The following FSD1L variants were observed in gnomAD, a reference collection of about 807,000 sequenced individuals.
The protein encoded by FSD1L is fibronectin type III and SPRY domain containing 1 like, also known as FSD1-like protein.
In FSD1L, 45 loss-of-function variants were observed where a neutral mutation model predicts 71.6. The ratio of observed to expected loss-of-function variants is 0.63; its 90% CI spans 0.49 to 0.81. The LOEUF (loss-of-function observed/expected upper bound fraction) is 0.81, where lower values mean the gene tolerates loss of function less well. Among genes scored for constraint, FSD1L ranks in the 30% least tolerant of loss-of-function variants. The pLI, the probability that FSD1L is intolerant of heterozygous loss-of-function variation, is 0.00. For synonymous variants in FSD1L, 197 were observed against 207.2 expected (o/e 0.95, Z 0.42); for missense variants, 561 against 618.1 (o/e 0.91, Z 0.98).
chr9:105,542,919 A>G (rs1014053901), intron 13 of FSD1L, among the ~76,000 whole-genome samples: 10 of 152,094 alleles, frequency 6.6e-5, no homozygotes, highest in African/African-American at 2.2e-4. Flanking sequence ...TTTTTTCCCT[A>G]TTATGGGTAA....
chr9:105,530,655 G>C (rs780812696), intron 10 of FSD1L: 1 of 649,578 alleles, frequency 1.5e-6, no homozygotes, highest in Non-Finnish European at 2.8e-6. Flanking sequence ...TTTTCAGAAT[G>C]CATGTTTCCT....
chr9:105,525,000 G>T (rs1835418675), intron 10 of FSD1L: 1 of 1,578,274 alleles, frequency 6.3e-7, no homozygotes, highest in African/African-American at 1.4e-5. Flanking sequence ...CCTGGAGGAG[G>T]TTTATCTGCT....
At chr9:105,491,803 A>T (rs376553343) in intron 7 of FSD1L, among the ~76,000 whole-genome samples, 1 of 152,138 alleles carries the variant, frequency 6.6e-6, no homozygotes, top group South Asian at 2.1e-4. Flanking sequence ...GATTACATTT[A>T]TTGATTTGCG....
At chr9:105,521,317 A>T in intron 10 of FSD1L, 1 of 1,614,218 alleles carries the variant, frequency 6.2e-7, no homozygotes, top group Non-Finnish European at 8.5e-7. Context: ...GATAATGCTG[A>T]TAAAGCAGAC....
intron 12 of FSD1L, 25 bp from the exon 13 acceptor site, chr9:105,539,238 T>C (rs933591517): frequency 3.3e-5 from 35 of 1,071,510 alleles, no homozygotes; most frequent in Non-Finnish European, 4.5e-5. Context: ...TATAATAAAT[T>C]AGGCTTTTTT....
intron 7 of FSD1L, among the ~76,000 whole-genome samples, chr9:105,504,691 C>T (rs1372354465): frequency 2.6e-5 from 4 of 152,112 alleles, no homozygotes; most frequent in Non-Finnish European, 5.9e-5. Flanking sequence ...GCACATCCTC[C>T]CATATACTTT....
At chr9:105,507,678 A>AT (rs1256371105) in intron 8 of FSD1L, among the ~76,000 whole-genome samples, 1 of 152,186 alleles carries the variant, frequency 6.6e-6, no homozygotes, top group Non-Finnish European at 1.5e-5. Context: ...CGTTTCATAA[A>AT]TATAAAAATT....
intron 10 of FSD1L, chr9:105,526,234 G>A (rs1353459650): frequency 2.0e-5 from 32 of 1,599,484 alleles, no homozygotes; most frequent in Non-Finnish European, 1.5e-5. Context: ...CTTCTATGAG[G>A]AGAGAGCACG....
chr9:105,534,478 T>G lies in FSD1L; in HGVS notation c.1026-15T>G. The G allele has an allele frequency of 2.1e-6, 3 of 1,422,304 alleles. No homozygotes were observed. The highest frequency in any genetic ancestry group is 2.9e-6 in the Non-Finnish European group (3 of 1,042,618). 88.1% of individuals were successfully genotyped at this position (1,422,304 alleles called of 1,614,324 possible). A position where few individuals can be genotyped will look rare whatever the true frequency, so the allele number is the denominator to read the frequency against. On this transcript the variant is annotated splice_polypyrimidine_tract_variant and intron_variant, in intron 10 of 13. Coordinates refer to ENST00000481272, the MANE Select transcript of FSD1L (RefSeq NM_001145313.3). Reference sequence around the variant, plus strand: ...ATAAAATATTTGTTTTTCTTTTTTCTTTTTGTTTATATAGAAGTGGTACAC... The same window carrying G: ...ATAAAATATTTGTTTTTCTTTTTTCGTTTTGTTTATATAGAAGTGGTACAC...
chr9:105,456,237 A>T (rs1205401193), intron 1 of FSD1L, among the ~76,000 whole-genome samples: 1 of 152,200 alleles, frequency 6.6e-6, no homozygotes, highest in Non-Finnish European at 1.5e-5. Context: ...TTAGGAATCA[A>T]ACTGTCTTAA....
intron 7 of FSD1L, among the ~76,000 whole-genome samples, chr9:105,494,663 G>T (rs566421647): frequency 2.0e-5 from 3 of 152,132 alleles, no homozygotes; most frequent in African/African-American, 7.2e-5. Flanking sequence ...TGATGGTGAT[G>T]TACAGATGGG....
rs1160221437 is a variant in FSD1L, at chr9:105,549,064, A to G, written c.*2581A>G. The G allele has an allele frequency of 1.3e-5, 2 of 152,092 alleles. No homozygotes were observed. The highest frequency in any genetic ancestry group is 4.8e-5 in the African/African-American group (2 of 41,440). 9.4% of individuals were successfully genotyped at this position (152,092 alleles called of 1,614,324 possible). ...TAAAAATATTGAGCTCTTGATTACA[A>G]TTTAATACATTGTAAAAAGTATTAA... On this transcript the variant is annotated 3_prime_UTR_variant, in exon 14 of 14. Transcript: ENST00000481272.
Position 105,448,034 on chromosome 9 carries a change from C to T in FSD1L, c.-187C>T. On this transcript the variant is annotated 5_prime_UTR_variant, in exon 1 of 14. Coordinates refer to ENST00000481272, the MANE Select transcript of FSD1L (RefSeq NM_001145313.3). ...CAGCCCCTCCCTTCTGCGGGCCGCC[C>T]TTTCACCCTGGCAACCGCGGCGTGA... The T allele has an allele frequency of 3.0e-6, 2 of 657,456 alleles. No individual in the cohort carries two copies. The highest frequency in any genetic ancestry group is 1.8e-5 in the South Asian group (1 of 56,272). The allele number at this position is 657,456 out of a possible 1,614,324, so 40.7% of individuals were successfully genotyped here. A position where few individuals can be genotyped will look rare whatever the true frequency, so the allele number is the denominator to read the frequency against.
intron 7 of FSD1L, among the ~76,000 whole-genome samples, chr9:105,500,213 C>G (rs1833681994): frequency 6.6e-6 from 1 of 152,138 alleles, no homozygotes; most frequent in African/African-American, 2.4e-5. Flanking sequence ...TCTTGATGAC[C>G]AGACATGTAT....
Position 105,539,243 on chromosome 9 carries a change from T to C in FSD1L, c.1379-20T>C. On this transcript the variant is annotated intron_variant, in intron 12 of 13. Coordinates refer to ENST00000481272, the MANE Select transcript of FSD1L (RefSeq NM_001145313.3). The stretch of plus-strand genomic sequence containing the variant: ...CAATTTTTTGTATAATAAATTAGGC[T>C]TTTTTTCCTTCTTTTTTAGGTCAAC... 3.3e-6 allele frequency: 4 copies of C among 1,201,824 alleles called. No individual in the cohort carries two copies. Among genetic ancestry groups the C allele is most frequent in the Non-Finnish European group, 4.7e-6 (4 of 857,954 alleles). The allele number at this position is 1,201,824 out of a possible 1,614,324, so 74.4% of individuals were successfully genotyped here. A position where few individuals can be genotyped will look rare whatever the true frequency, so the allele number is the denominator to read the frequency against.
chr9:105,450,796 C>CA (rs1829947766), intron 1 of FSD1L, among the ~76,000 whole-genome samples: 1 of 152,110 alleles, frequency 6.6e-6, no homozygotes, highest in South Asian at 2.1e-4. Context: ...CTTGGCCTCA[C>CA]AAAGCGCTGC....
intron 6 of FSD1L, among the ~76,000 whole-genome samples, chr9:105,482,551 A>G (rs1466870450): frequency 6.6e-6 from 1 of 152,224 alleles, no homozygotes; most frequent in African/African-American, 2.4e-5. Context: ...TGGATCCTGT[A>G]GTGTAGAGAA....
intron 10 of FSD1L, among the ~76,000 whole-genome samples, chr9:105,515,618 G>C (rs765555829): frequency 2.6e-5 from 4 of 152,090 alleles, no homozygotes; most frequent in Non-Finnish European, 5.9e-5. Flanking sequence ...GAAGCCATGA[G>C]GGACAGAGCC....
chr9:105,448,176 G>C lies in FSD1L; in HGVS notation c.-45G>C, dbSNP rs768864340. 6 of 1,540,856 alleles carry C rather than the reference G, an allele frequency of 3.9e-6. No homozygotes were observed. The African/African-American group carries it at 7.0e-5, about 18-fold the overall frequency. On this transcript the variant is annotated 5_prime_UTR_variant, in exon 1 of 14. Transcript: ENST00000481272. Reference sequence around the variant, plus strand: ...GCGATCTCGCTGAGCCTCCTCACACGGTTCGTCGTCTCGGGTTCGAGCCCA... The same window carrying C: ...GCGATCTCGCTGAGCCTCCTCACACCGTTCGTCGTCTCGGGTTCGAGCCCA...
Sources: gnomAD v4.1 joint callset for allele counts (sites outside exome capture counted in the v4.1 genomes callset) on GRCh38, gnomAD v4.1.1 for gene constraint, MANE v1.5 for transcripts, NCBI Gene and HGNC (gene_info 2026-07-23, HGNC 2026-07-21) for gene names.